THADA: variants seen among roughly 807,000 people sequenced by gnomAD.
THADA encodes tRNA (32-2'-O)-methyltransferase regulator THADA.
THADA carries 213 observed loss-of-function variants against 219.8 expected under a neutral mutation model. The ratio of observed to expected loss-of-function variants is 0.97; its 90% confidence interval spans 0.87 to 1.09. THADA has a LOEUF of 1.09. Among genes scored for constraint, THADA ranks in the 50% least tolerant of loss-of-function variants. The pLI is 0.00. For missense variants in THADA, 2,956 were observed against 2,311.3 expected, an observed-to-expected ratio of 1.28 and a Z score of -5.72; for synonymous variants, 1,018 against 828.9, an observed-to-expected ratio of 1.23 and a Z score of -3.92.
At chr2:43,358,955 GA>G (rs990379180) in intron 29 of THADA, among the ~76,000 whole-genome samples, 1 of 152,088 alleles carries the variant, frequency 6.6e-6, no homozygotes, top group Non-Finnish European at 1.5e-5. Context: ...GTTTATAAGG[GA>G]AAAAATGATT....
chr2:43,495,510 C>A (rs1344046909), intron 25 of THADA, among the ~76,000 whole-genome samples: 1 of 152,056 alleles, frequency 6.6e-6, no homozygotes, highest in Non-Finnish European at 1.5e-5. Flanking sequence ...ATGCTCATAT[C>A]TGTACGGTAA....
chr2:43,556,582 T>G, intron 16 of THADA, 27 bp from the exon 17 acceptor site: 2 of 1,589,656 alleles, frequency 1.3e-6, no homozygotes, highest in Non-Finnish European at 1.7e-6. Context: ...ACTCAGTAAC[T>G]GTCAAATTAA....
chr2:43,361,236 T>C (rs931464708), intron 29 of THADA, among the ~76,000 whole-genome samples: 1 of 152,210 alleles, frequency 6.6e-6, no homozygotes, highest in Non-Finnish European at 1.5e-5. Context: ...CTGGTAGCCT[T>C]AGAAAATTAT....
rs1426517185 is a variant in THADA at position 43,292,857 on chromosome 2, T to A, written c.4795A>T (p.Asn1599Tyr). The change falls in exon 32 of 38, where the codon AAT becomes TAT. Residue 1599 changes from asparagine to tyrosine, a missense_variant. Coordinates refer to ENST00000405975, the MANE Select transcript of THADA (RefSeq NM_022065.5). Reference protein sequence around the residue: ...EKFLLLAMKENHPECFCKILK... With the variant: ...EKFLLLAMKEYHPECFCKILK... Reference sequence around the variant, plus strand: ...ACCTTGCAGAAGCATTCTGGGTGATTTTCCTTCATGGCCAACAATAAGAAC... The same window carrying A: ...ACCTTGCAGAAGCATTCTGGGTGATATTCCTTCATGGCCAACAATAAGAAC... The A allele has an allele frequency of 6.2e-7, 1 of 1,613,234 alleles. No homozygotes were observed. Among genetic ancestry groups the A allele is most frequent in the Admixed American group, 1.7e-5 (1 of 60,008 alleles).
In THADA at chr2:43,282,550, G is replaced by A. The variant is rs1170140448; in HGVS notation, c.5165-2654C>T. On this transcript the variant is annotated intron_variant, in intron 35 of 37. Coordinates refer to ENST00000405975, the MANE Select transcript of THADA (RefSeq NM_022065.5). ...ACCATGTCTGATTCTTGAGGGCTGG[G>A]CATGGAAGAGGTACACAAAAATATA... Among the ~76,000 whole-genome samples, 3 of 152,134 alleles carry A rather than the reference G, an allele frequency of 2.0e-5. No homozygotes were observed. The East Asian group carries it at 5.8e-4, about 29-fold the overall frequency.
chr2:43,335,797 T>TAA (rs143938377), intron 30 of THADA, among the ~76,000 whole-genome samples: 19,145 of 123,330 alleles, frequency 0.16, 1,848 homozygotes, highest in African/African-American at 0.27. Context: ...GTCTCTACTT[T>TAA]AAAAAAAAAA....
At chr2:43,457,128 A>G (rs758930137) in intron 26 of THADA, among the ~76,000 whole-genome samples, 23 of 133,096 alleles carry the variant, frequency 1.7e-4, no homozygotes, top group South Asian at 5.2e-4. Flanking sequence ...CGTATTTAGG[A>G]TATCTACACA....
intron 29 of THADA, among the ~76,000 whole-genome samples, chr2:43,388,725 A>C (rs1210421998): frequency 6.6e-6 from 1 of 152,226 alleles, no homozygotes; most frequent in Non-Finnish European, 1.5e-5. Context: ...GACTGACCGG[A>C]GGAACCTCTC....
chr2:43,591,431 C>A (rs894225832), intron 3 of THADA, among the ~76,000 whole-genome samples: 8 of 152,092 alleles, frequency 5.3e-5, no homozygotes, highest in African/African-American at 1.9e-4. Flanking sequence ...ACTTTTTAAA[C>A]TCATGTCCCC....
At chr2:43,518,383 T>C (rs902737162) in intron 22 of THADA, among the ~76,000 whole-genome samples, 5 of 152,150 alleles carry the variant, frequency 3.3e-5, no homozygotes, top group African/African-American at 1.2e-4. Flanking sequence ...CTGTAACACG[T>C]ACAAACACAT....
chr2:43,517,673 C>CT (rs1197045909), intron 22 of THADA, among the ~76,000 whole-genome samples: 13 of 152,184 alleles, frequency 8.5e-5, no homozygotes, highest in Non-Finnish European at 1.2e-4. Flanking sequence ...CCATGCAACT[C>CT]TATCAAACGC....
chr2:43,469,861 C>T (rs1310166761), intron 26 of THADA, among the ~76,000 whole-genome samples: 1 of 152,064 alleles, frequency 6.6e-6, no homozygotes, highest in Non-Finnish European at 1.5e-5. Context: ...CTGTAGGCAA[C>T]AGAAAGCTAA....
chr2:43,507,201 A>G (rs1689783797), intron 23 of THADA, among the ~76,000 whole-genome samples: 1 of 152,224 alleles, frequency 6.6e-6, no homozygotes, highest in African/African-American at 2.4e-5. Context: ...AAAAAGCTAC[A>G]TTCAATTACT....
rs115936278 is a variant in THADA at position 43,580,007 on chromosome 2, C to T, written c.722-1400G>A. ...TACTGATTAGGTGCCATCAACTTTT[C>T]GGAAAAAAAGCTACTTCTTTTTTTT... On this transcript the variant is annotated intron_variant, in intron 8 of 37. Coordinates refer to ENST00000405975, the MANE Select transcript of THADA (RefSeq NM_022065.5). Among the ~76,000 whole-genome samples, 896 of 145,410 alleles carry T rather than the reference C, an allele frequency of 6.2e-3. 5 individuals carry two copies. Among genetic ancestry groups the T allele is most frequent in the African/African-American group, 0.021 (844 of 39,420 alleles).
chr2:43,445,252 G>A (rs976836554), intron 26 of THADA, among the ~76,000 whole-genome samples: 3 of 152,130 alleles, frequency 2.0e-5, no homozygotes, highest in Admixed American at 6.5e-5. Flanking sequence ...CGTTTCAAAG[G>A]ATATGATCAA....
chr2:43,454,783 C>T (rs1189375158), intron 26 of THADA, among the ~76,000 whole-genome samples: 1 of 152,098 alleles, frequency 6.6e-6, no homozygotes, highest in African/African-American at 2.4e-5. Context: ...AATAAAAGTA[C>T]ACTCTATTTT....
At chr2:43,553,934 T>G (rs574487646) in intron 17 of THADA, among the ~76,000 whole-genome samples, 4 of 152,326 alleles carry the variant, frequency 2.6e-5, no homozygotes, top group African/African-American at 9.6e-5. Flanking sequence ...AAAATGTCTA[T>G]TCAGATTCTT....
chr2:43,231,022 G>C lies in THADA; in HGVS notation c.5788C>G (p.Leu1930Val), dbSNP rs1008002642. 8.7e-6 allele frequency: 14 copies of C among 1,613,914 alleles called. No homozygotes were observed. Among genetic ancestry groups the C allele is most frequent in the Non-Finnish European group, 1.1e-5 (13 of 1,179,852 alleles). ...FLEGKEGEDT[L>V]VLSVWDSYAE... ...TAAGAGTCCCAAACACTGAGAACTA[G>C]GGTGTCTTCCCCTTCCTTTCCTTCC... The change falls in exon 38 of 38, where the codon CTA (leucine) becomes GTA (valine). Residue 1930 changes from leucine (L) to valine (V), a missense_variant. Transcript: ENST00000405975.
At chr2:43,241,326 T>G in intron 36 of THADA, among the ~76,000 whole-genome samples, 1 of 151,188 alleles carries the variant, frequency 6.6e-6, no homozygotes, top group East Asian at 2.0e-4. Flanking sequence ...TGGGCTCAAG[T>G]GATCCACACA....
Sources: gnomAD v4.1 joint callset for allele counts (sites outside exome capture counted in the v4.1 genomes callset) on GRCh38, gnomAD v4.1.1 for gene constraint, MANE v1.5 for transcripts, NCBI Gene and HGNC (gene_info 2026-07-23, HGNC 2026-07-21) for gene names.